The following USP49 variants were observed in gnomAD, a reference collection of about 807,000 sequenced individuals.
The protein encoded by USP49 is ubiquitin specific peptidase 49, also known as ubiquitin carboxyl-terminal hydrolase 49.
Under a neutral mutation model 58.6 loss-of-function variants are expected in USP49, and 24 were observed. That is an observed-to-expected ratio of 0.41 (90% CI 0.30 to 0.58). The LOEUF (loss-of-function observed/expected upper bound fraction) is 0.58. Among genes scored for constraint, USP49 ranks in the 20% least tolerant of loss-of-function variants. USP49 has a pLI of 0.30. For missense variants in USP49, 703 were observed against 866.1 expected (o/e 0.81, Z 2.36); for synonymous variants, 408 against 365.1 (o/e 1.12, Z -1.34).
chr6:41,820,421 G>A (rs1239790823), intron 3 of USP49, among the ~76,000 whole-genome samples: 1 of 152,056 alleles, frequency 6.6e-6, no homozygotes, highest in Non-Finnish European at 1.5e-5. Context: ...CATGGACTAA[G>A]TATTAAATGA....
chr6:41,891,367 G>A (rs1406287055), intron 2 of USP49, among the ~76,000 whole-genome samples: 1 of 152,194 alleles, frequency 6.6e-6, no homozygotes. Flanking sequence ...AATAGTTGTA[G>A]GAATGTCTGA....
In USP49 at chr6:41,802,460, A is replaced by ATTTT. The variant is rs71545916; in HGVS notation, c.1561+1345_1561+1346insAAAA. ...TATTTATTTATTTATTTATTTATTT[A>ATTTT]TTTATTTATTTTTTATTTATTTTTT... On this transcript the variant is annotated intron_variant, in intron 5 of 7. Coordinates refer to ENST00000682992, the MANE Select transcript of USP49 (RefSeq NM_001286554.2). Among the ~76,000 whole-genome samples, 11 of 71,372 alleles carry ATTTT rather than the reference A, an allele frequency of 1.5e-4. 1 individual carries two copies. Among genetic ancestry groups the ATTTT allele is most frequent in the African/African-American group, 5.8e-4 (10 of 17,228 alleles). The allele number at this position is 71,372 out of a possible 152,430, so 46.8% of individuals were successfully genotyped here. A position where few individuals can be genotyped will look rare whatever the true frequency, so the allele number is the denominator to read the frequency against.
intron 3 of USP49, among the ~76,000 whole-genome samples, chr6:41,869,420 A>C (rs1774377306): frequency 6.6e-6 from 1 of 152,138 alleles, no homozygotes; most frequent in African/African-American, 2.4e-5. Flanking sequence ...AGGAAAAAAA[A>C]ATACTTCAAG....
At chr6:41,814,241 A>G (rs886796581) in intron 3 of USP49, among the ~76,000 whole-genome samples, 3 of 152,210 alleles carry the variant, frequency 2.0e-5, no homozygotes, top group Non-Finnish European at 4.4e-5. Flanking sequence ...AACCTGACAA[A>G]ATATCAGCTT....
At chr6:41,892,316 T>C (rs761484349) in intron 1 of USP49, among the ~76,000 whole-genome samples, 14 of 152,196 alleles carry the variant, frequency 9.2e-5, no homozygotes, top group Admixed American at 4.6e-4. Flanking sequence ...GGCAATACCA[T>C]ACAGAGTACG....
At chr6:41,849,910 T>C (rs1773993657) in intron 3 of USP49, among the ~76,000 whole-genome samples, 1 of 152,110 alleles carries the variant, frequency 6.6e-6, no homozygotes, top group Non-Finnish European at 1.5e-5. Context: ...CGGCACAAAG[T>C]ATCTTTTCTA....
intron 3 of USP49, among the ~76,000 whole-genome samples, chr6:41,825,450 A>T (rs1245666089): frequency 1.3e-5 from 2 of 152,010 alleles, no homozygotes; most frequent in African/African-American, 2.4e-5. Flanking sequence ...GAAAAAAAAA[A>T]AAAGATATGA....
At chr6:41,882,675 G>C (rs1774632660) in intron 2 of USP49, among the ~76,000 whole-genome samples, 1 of 152,202 alleles carries the variant, frequency 6.6e-6, no homozygotes, top group Non-Finnish European at 1.5e-5. Flanking sequence ...CCAGCACTTT[G>C]GGAGGCCGAG....
rs189410011 is a variant in USP49, at chr6:41,790,540, T to C, written c.*5993A>G. The C allele has an allele frequency of 6.6e-6, 1 of 152,306 alleles. No homozygotes were observed. The highest frequency in any genetic ancestry group is 1.9e-4 in the East Asian group (1 of 5,192). 9.4% of individuals were successfully genotyped at this position (152,306 alleles called of 1,614,324 possible). ...CATTAAAAAAAATACTGCTTTTATG[T>C]GCCAAGTCTCTTATGGAACTAGTAT... On this transcript the variant is annotated 3_prime_UTR_variant, in exon 8 of 8. Transcript: ENST00000682992.
intron 2 of USP49, among the ~76,000 whole-genome samples, chr6:41,885,205 G>A (rs1466770209): frequency 2.0e-5 from 3 of 152,198 alleles, no homozygotes; most frequent in African/African-American, 7.2e-5. Context: ...CGTAGGTGTT[G>A]TAGTTAATAT....
intron 3 of USP49, among the ~76,000 whole-genome samples, chr6:41,818,211 T>C (rs1249993936): frequency 6.6e-6 from 1 of 152,160 alleles, no homozygotes; most frequent in Non-Finnish European, 1.5e-5. Flanking sequence ...TAACTTAATA[T>C]TCTTGCTATA....
intron 2 of USP49, among the ~76,000 whole-genome samples, chr6:41,886,871 C>T (rs1774721505): frequency 6.6e-6 from 1 of 152,210 alleles, no homozygotes; most frequent in African/African-American, 2.4e-5. Context: ...TGCACTCCAG[C>T]CTGGGCAACA....
intron 3 of USP49, among the ~76,000 whole-genome samples, chr6:41,816,702 C>CTATTAT (rs10631115): frequency 0.52 from 77,615 of 149,420 alleles, 20,282 homozygotes; most frequent in Admixed American, 0.62. Context: ...GTTCCACACT[C>CTATTAT]TATTATTATT....
chr6:41,851,952 C>CAAAAA (rs67716441), intron 3 of USP49, among the ~76,000 whole-genome samples: 56 of 54,790 alleles, frequency 1.0e-3, no homozygotes, highest in African/African-American at 2.0e-3. Context: ...AGACTCGTCT[C>CAAAAA]AAAAAAAAAA....
chr6:41,823,906 G>A (rs1327395605), intron 3 of USP49, among the ~76,000 whole-genome samples: 2 of 152,142 alleles, frequency 1.3e-5, no homozygotes, highest in Non-Finnish European at 2.9e-5. Context: ...GGAATCGGCT[G>A]AATGGTGAAG....
chr6:41,828,226 C>CCT (rs1414719831), intron 3 of USP49, among the ~76,000 whole-genome samples: 1 of 151,884 alleles, frequency 6.6e-6, no homozygotes, highest in African/African-American at 2.4e-5. Context: ...GGGCAGATCA[C>CCT]AAGGTCAGGA....
chr6:41,872,344 A>G (rs1774424395), intron 2 of USP49, among the ~76,000 whole-genome samples: 1 of 152,206 alleles, frequency 6.6e-6, no homozygotes, highest in African/African-American at 2.4e-5. Flanking sequence ...CTTCGAAGAA[A>G]CTTTAAGAAA....
At chr6:41,885,605 C>T (rs1314672135) in intron 2 of USP49, among the ~76,000 whole-genome samples, 1 of 152,160 alleles carries the variant, frequency 6.6e-6, no homozygotes, top group East Asian at 1.9e-4. Context: ...TCGAGATCAG[C>T]CTGGCCAACA....
chr6:41,802,456 A>ATTTTTTTTTTTTTTTTT (rs1186521851), intron 5 of USP49, among the ~76,000 whole-genome samples: 1 of 70,288 alleles, frequency 1.4e-5, no homozygotes, highest in Admixed American at 1.7e-4. Context: ...TTATTTATTT[A>ATTTTTTTTTTTTTTTTT]TTTATTTATT....
Sources: gnomAD v4.1 joint callset for allele counts (sites outside exome capture counted in the v4.1 genomes callset) on GRCh38, gnomAD v4.1.1 for gene constraint, MANE v1.5 for transcripts, NCBI Gene and HGNC (gene_info 2026-07-23, HGNC 2026-07-21) for gene names.